CLN6: variants seen among roughly 807,000 people sequenced by gnomAD.
CLN6 encodes ceroid-lipofuscinosis neuronal protein 6.
A neutral mutation model predicts 33.3 loss-of-function variants in CLN6; 22 were observed. The ratio of observed to expected loss-of-function variants is 0.66; its 90% CI spans 0.47 to 0.94. The LOEUF (loss-of-function observed/expected upper bound fraction) is 0.94. Among genes scored for constraint, CLN6 ranks in the 40% least tolerant of loss-of-function variants. The pLI is 0.00. For missense variants in CLN6, 387 were observed against 417.1 expected (o/e 0.93, Z 0.63); for synonymous variants, 201 against 174.6 (o/e 1.15, Z -1.19).
chr15:68,209,515 A>G lies in CLN6; in HGVS notation c.665+122T>C. On this transcript the variant is annotated intron_variant, in intron 6 of 6. Transcript: ENST00000249806. This position sits in a 1 kb window ranked among gnomAD's most constrained non-coding sequence, Gnocchi z 4.9. ...GTCCCCACTAGACACAAGAAGAAGCACGGGCCCAAAGAGGGCCAGTCTCCC... is the reference window on the plus strand; with the variant it reads ...GTCCCCACTAGACACAAGAAGAAGCGCGGGCCCAAAGAGGGCCAGTCTCCC... 7.3e-7 allele frequency: 1 copy of G among 1,367,120 alleles called. No homozygotes were observed. Among genetic ancestry groups the G allele is most frequent in the Non-Finnish European group, 1.0e-6 (1 of 973,552 alleles). The allele number at this position is 1,367,120 out of a possible 1,614,324, so 84.7% of individuals were successfully genotyped here.
In CLN6 at chr15:68,241,838, C is replaced by T. The variant is rs538972521; in HGVS notation, c.179+14852G>A. Among the ~76,000 whole-genome samples, 2 of 152,082 alleles carry T rather than the reference C, an allele frequency of 1.3e-5. No homozygotes were observed. The highest frequency in any genetic ancestry group is 4.8e-5 in the African/African-American group (2 of 41,464). On this transcript the variant is annotated intron_variant, in intron 1 of 6. Coordinates refer to the CLN6 transcript ENST00000538696. The surrounding 1 kb of genome is among the most constrained non-coding windows in gnomAD (Gnocchi z 4.2). Reference sequence around the variant, plus strand: ...CAGTGTTCCAATTGTTTATTAGAGCCGAGGCAAACCTGGGCTTAAGAAATC... The same window carrying T: ...CAGTGTTCCAATTGTTTATTAGAGCTGAGGCAAACCTGGGCTTAAGAAATC...
At position 68,208,700 on chromosome 15, in the gene CLN6, A is replaced by G. The variant is rs1595816697; in HGVS notation, c.666-290T>C. 6.6e-6 allele frequency among the ~76,000 whole-genome samples: 1 copy of G among 152,248 alleles called. No homozygotes were observed. The highest frequency in any genetic ancestry group is 2.4e-5 in the African/African-American group (1 of 41,464). The stretch of plus-strand genomic sequence containing the variant: ...GGTCACATTAAGTTTATACTTCCAC[A>G]CAACAAAAACTGACTAGAGGAGAAA... On this transcript the variant is annotated intron_variant, in intron 6 of 6. Coordinates refer to ENST00000249806, the MANE Select transcript of CLN6 (RefSeq NM_017882.3). The surrounding 1 kb of genome is among the most constrained non-coding windows in gnomAD (Gnocchi z 5.8).
upstream of CLN6, among the ~76,000 whole-genome samples, chr15:68,234,659 G>A (rs552651840): frequency 1.3e-5 from 2 of 152,084 alleles, no homozygotes; most frequent in African/African-American, 4.8e-5. The surrounding 1 kb of genome is among the most constrained non-coding windows in gnomAD (Gnocchi z 4.1). Flanking sequence ...AAGCTGAGAG[G>A]CTCCCAGAGC....
intron 1 of CLN6, among the ~76,000 whole-genome samples, chr15:68,226,027 AGT>A (rs1477284616): frequency 1.3e-5 from 2 of 151,574 alleles, no homozygotes; most frequent in African/African-American, 4.8e-5. Context: ...AGTTTTTAAG[AGT>A]GTGGACTTGG....
chr15:68,233,306 G>C (rs1272569871), upstream of CLN6, among the ~76,000 whole-genome samples: 1 of 151,510 alleles, frequency 6.6e-6, no homozygotes, highest in African/African-American at 2.4e-5. This position sits in a 1 kb window ranked among gnomAD's most constrained non-coding sequence, Gnocchi z 4.3. Context: ...CCTACGGGGG[G>C]GTGGGGGGGG....
chr15:68,233,417 A>T (rs1400608820), upstream of CLN6, among the ~76,000 whole-genome samples: 5 of 152,142 alleles, frequency 3.3e-5, no homozygotes, highest in Non-Finnish European at 1.5e-5. The surrounding 1 kb of genome is among the most constrained non-coding windows in gnomAD (Gnocchi z 4.3). Context: ...CTCCCTGGAA[A>T]GCCTTTGATC....
In CLN6 at chr15:68,208,353, C is replaced by G. The variant is rs149262877; in HGVS notation, c.723G>C (p.Met241Ile). 13 of 1,613,848 alleles carry G rather than the reference C, an allele frequency of 8.1e-6. No homozygotes were observed. The highest frequency in any genetic ancestry group is 8.5e-6 in the Non-Finnish European group (10 of 1,180,048). Residue 241 changes from methionine to isoleucine, a missense_variant, in exon 7 of 7, where the codon ATG becomes ATC. Coordinates refer to ENST00000249806, the MANE Select transcript of CLN6 (RefSeq NM_017882.3). This position sits in a 1 kb window ranked among gnomAD's most constrained non-coding sequence, Gnocchi z 5.8. ...FILFIFTFFA[M>I]LALVLHQKRK... Reference sequence around the variant, plus strand: ...GCTTCTGGTGCAGGACGAGGGCCAGCATGGCGAAGAAGGTGAAGATGAAGA... The same window carrying G: ...GCTTCTGGTGCAGGACGAGGGCCAGGATGGCGAAGAAGGTGAAGATGAAGA...
chr15:68,226,072 C>T (rs2093250831), intron 1 of CLN6, among the ~76,000 whole-genome samples: 1 of 151,840 alleles, frequency 6.6e-6, no homozygotes, highest in Non-Finnish European at 1.5e-5. Context: ...GTAATCCCAG[C>T]ACTTTGGGAG....
chr15:68,226,341 C>G (rs2093251905), intron 1 of CLN6, among the ~76,000 whole-genome samples: 2 of 148,964 alleles, frequency 1.3e-5, no homozygotes, highest in Non-Finnish European at 3.0e-5. Flanking sequence ...AAAAAAGAGT[C>G]TGGACTTTGG....
rs1285354632 is a variant in CLN6 at position 68,246,151 on chromosome 15, A to G, written c.179+10539T>C. On this transcript the variant is annotated intron_variant, in intron 1 of 6. Transcript: ENST00000538696. The surrounding 1 kb of genome is among the most constrained non-coding windows in gnomAD (Gnocchi z 4.5). ...TCAACACCCCACTTTTCAGTAATAA[A>G]CAGATCATCCAGACAGAAAATCAAC... Among the ~76,000 whole-genome samples the G allele has an allele frequency of 2.0e-5, 3 of 152,162 alleles. No individual in the cohort carries two copies. In the East Asian group the frequency reaches 5.8e-4, roughly 29 times the overall value.
Position 68,256,663 on chromosome 15 carries a change from C to A in CLN6, c.179+27G>T. ...GAAGGGCTTCGCCCTTGGTTTAATG[C>A]GCTGCTCTCATTGCCTTGAAACTTA... On this transcript the variant is annotated intron_variant, in intron 1 of 6. Coordinates refer to the CLN6 transcript ENST00000538696. The surrounding 1 kb of genome is among the most constrained non-coding windows in gnomAD (Gnocchi z 4.1). 1 of 628,696 alleles carries A rather than the reference C, an allele frequency of 1.6e-6. No individual in the cohort carries two copies. Among genetic ancestry groups the A allele is most frequent in the Non-Finnish European group, 2.9e-6 (1 of 346,848 alleles). The allele number at this position is 628,696 out of a possible 1,614,324, so 38.9% of individuals were successfully genotyped here.
intron 1 of CLN6, among the ~76,000 whole-genome samples, chr15:68,245,575 A>G (rs1892322470): frequency 9.6e-6 from 1 of 104,662 alleles, no homozygotes; most frequent in South Asian, 2.4e-4. Flanking sequence ...CAAACAAAAC[A>G]AAACAAAACA....
intron 1 of CLN6, among the ~76,000 whole-genome samples, chr15:68,240,845 G>T (rs767418184): frequency 6.6e-6 from 1 of 151,578 alleles, no homozygotes; most frequent in South Asian, 2.1e-4. Flanking sequence ...TTAGCTGGGC[G>T]TGGCGGTGGG....
upstream of CLN6, among the ~76,000 whole-genome samples, chr15:68,230,169 G>C (rs2093265939): frequency 6.6e-6 from 1 of 152,152 alleles, no homozygotes; most frequent in South Asian, 2.1e-4. This position sits in a 1 kb window ranked among gnomAD's most constrained non-coding sequence, Gnocchi z 4.0. Context: ...CGGTGACAGT[G>C]GGAAGGAGCG....
Position 68,228,563 on chromosome 15 carries a change from T to C in CLN6, c.83+939A>G, listed in dbSNP as rs1343734462. 6.6e-6 allele frequency among the ~76,000 whole-genome samples: 1 copy of C among 152,174 alleles called. No homozygotes were observed. Among genetic ancestry groups the C allele is most frequent in the Non-Finnish European group, 1.5e-5 (1 of 68,030 alleles). ...GTCTGCATCCTCCTGTCACTTTCTTTTACAGCCGGAAAGCTCCAGCACCAC... is the reference window on the plus strand; with the variant it reads ...GTCTGCATCCTCCTGTCACTTTCTTCTACAGCCGGAAAGCTCCAGCACCAC... On this transcript the variant is annotated intron_variant, in intron 1 of 6. Transcript: ENST00000249806. This position sits in a 1 kb window ranked among gnomAD's most constrained non-coding sequence, Gnocchi z 4.4.
At chr15:68,222,590 G>A (rs1460466315) in intron 1 of CLN6, among the ~76,000 whole-genome samples, 4 of 152,126 alleles carry the variant, frequency 2.6e-5, no homozygotes, top group African/African-American at 9.7e-5. Flanking sequence ...GCCTCTGCCC[G>A]GCCGCCCGGT....
intron 2 of CLN6, among the ~76,000 whole-genome samples, chr15:68,217,208 T>C (rs766217447): frequency 6.6e-6 from 1 of 152,216 alleles, no homozygotes; most frequent in Non-Finnish European, 1.5e-5. Context: ...GAATTATTAC[T>C]GCTTTCCAAA....
rs1168097413 is a variant in CLN6 at position 68,256,393 on chromosome 15, G to A, written c.179+297C>T. On this transcript the variant is annotated intron_variant, in intron 1 of 6. Coordinates refer to the CLN6 transcript ENST00000538696. This position sits in a 1 kb window ranked among gnomAD's most constrained non-coding sequence, Gnocchi z 4.1. Reference sequence around the variant, plus strand: ...CAAAGTGCTAGGATTACAGGTGTGAGCCACCATGCCCGGCCATTTTTCCCT... The same window carrying A: ...CAAAGTGCTAGGATTACAGGTGTGAACCACCATGCCCGGCCATTTTTCCCT... 2.0e-5 allele frequency among the ~76,000 whole-genome samples: 3 copies of A among 152,218 alleles called. No individual in the cohort carries two copies. The highest frequency in any genetic ancestry group is 2.0e-4 in the Admixed American group (3 of 15,288).
At chr15:68,235,599 T>A (rs1482075974) in intron 1 of CLN6, among the ~76,000 whole-genome samples, 876 of 3,136 alleles carry the variant, frequency 0.28, 22 homozygotes, top group African/African-American at 0.31. Flanking sequence ...TATATATATA[T>A]ATATATATAT....
Sources: allele counts gnomAD v4.1 joint callset (sites outside exome capture counted in the v4.1 genomes callset), GRCh38; gene constraint gnomAD v4.1.1; non-coding constraint Gnocchi (gnomAD v3.1); transcripts MANE v1.5; gene names NCBI Gene and HGNC (gene_info 2026-07-23, HGNC 2026-07-21).